Variants in PIAS1 observed in about 807,000 individuals in gnomAD.
PIAS1 encodes the protein E3 SUMO-protein ligase PIAS1.
PIAS1 carries 6 observed loss-of-function variants against 71.3 expected under a neutral mutation model. The observed-to-expected ratio is 0.08, with a 90% confidence interval of 0.05 to 0.17. PIAS1 has a LOEUF of 0.17. PIAS1 is among the 10% of genes least tolerant of loss of function. The pLI is 1.00. For synonymous variants in PIAS1, 303 were observed against 292.9 expected (o/e 1.03, Z -0.35); for missense variants, 555 against 793.6 (o/e 0.70, Z 3.61).
chr15:68,059,572 G>A (rs1224558917), intron 1 of PIAS1, among the ~76,000 whole-genome samples: 3 of 151,746 alleles, frequency 2.0e-5, no homozygotes, highest in Non-Finnish European at 2.9e-5. Context: ...TTAGCTGGGC[G>A]TGGTGGTGGG....
intron 1 of PIAS1, among the ~76,000 whole-genome samples, chr15:68,070,637 G>A (rs2092084559): frequency 6.6e-6 from 1 of 152,140 alleles, no homozygotes; most frequent in Non-Finnish European, 1.5e-5. Flanking sequence ...AAGATTTGCT[G>A]TAAGTGTAAA....
chr15:68,082,635 T>G (rs1169608124), intron 1 of PIAS1, among the ~76,000 whole-genome samples: 4 of 152,092 alleles, frequency 2.6e-5, no homozygotes, highest in Non-Finnish European at 4.4e-5. Flanking sequence ...ATGTAAGTAC[T>G]GACAATTGAT....
At chr15:68,065,689 C>T (rs1327350761) in intron 1 of PIAS1, among the ~76,000 whole-genome samples, 4 of 149,636 alleles carry the variant, frequency 2.7e-5, no homozygotes, top group African/African-American at 9.8e-5. Context: ...GTAAGTAATG[C>T]TAAACGGTAG....
At chr15:68,087,796 A>G in intron 2 of PIAS1, 2 of 329,474 alleles carry the variant, frequency 6.1e-6, no homozygotes, top group East Asian at 8.5e-5. Flanking sequence ...TGTTTACTGA[A>G]ATTCTATCTT....
chr15:68,138,869 C>T (rs1225874799), intron 2 of PIAS1, among the ~76,000 whole-genome samples: 1 of 152,098 alleles, frequency 6.6e-6, no homozygotes, highest in Non-Finnish European at 1.5e-5. Context: ...TACTAAAATA[C>T]AGTGGGAAGA....
At chr15:68,138,491 T>C (rs2092749033) in intron 2 of PIAS1, among the ~76,000 whole-genome samples, 1 of 152,194 alleles carries the variant, frequency 6.6e-6, no homozygotes, top group Non-Finnish European at 1.5e-5. Flanking sequence ...AATGAATGAA[T>C]GAGACGGAGT....
rs1161865973 is a variant in PIAS1, at chr15:68,193,034, G to C, written c.*5199G>C. ...TGGATGGACTCCCAGAAAGCCTAGT[G>C]CTCCTACTACTGTTTTCCAGGGCTG... On this transcript the variant is annotated 3_prime_UTR_variant, in exon 14 of 14. Coordinates refer to ENST00000249636, the MANE Select transcript of PIAS1 (RefSeq NM_016166.3). The C allele has an allele frequency of 6.6e-6, 1 of 152,324 alleles. No homozygotes were observed. Among genetic ancestry groups the C allele is most frequent in the African/African-American group, 2.4e-5 (1 of 41,466 alleles). 9.4% of individuals were successfully genotyped at this position (152,324 alleles called of 1,614,324 possible). A position where few individuals can be genotyped will look rare whatever the true frequency, so the allele number is the denominator to read the frequency against.
intron 1 of PIAS1, among the ~76,000 whole-genome samples, chr15:68,065,542 G>A (rs919582128): frequency 6.8e-6 from 1 of 147,230 alleles, no homozygotes; most frequent in Admixed American, 6.9e-5. Context: ...AGTGAACTGA[G>A]ATCCACTGCA....
intron 1 of PIAS1, among the ~76,000 whole-genome samples, chr15:68,075,523 TAGC>T (rs1428884782): frequency 2.0e-5 from 3 of 152,226 alleles, no homozygotes; most frequent in East Asian, 1.9e-4. Flanking sequence ...TGTGGAAAGT[TAGC>T]AGTTTTACTT....
chr15:68,072,316 C>T (rs1033440117), intron 1 of PIAS1, among the ~76,000 whole-genome samples: 2 of 138,206 alleles, frequency 1.4e-5, no homozygotes, highest in Non-Finnish European at 3.0e-5. Flanking sequence ...AGGAGAATGG[C>T]GTGAACCCAG....
intron 11 of PIAS1, among the ~76,000 whole-genome samples, chr15:68,179,608 T>C (rs2093041871): frequency 7.8e-6 from 1 of 128,144 alleles, no homozygotes; most frequent in African/African-American, 2.9e-5. Flanking sequence ...AGAGTTTCAC[T>C]CTTATCTCCC....
At chr15:68,117,715 C>T (rs1365915187) in intron 2 of PIAS1, among the ~76,000 whole-genome samples, 1 of 152,156 alleles carries the variant, frequency 6.6e-6, no homozygotes, top group Non-Finnish European at 1.5e-5. Flanking sequence ...GAATAGTATT[C>T]TATCATGTCT....
chr15:68,166,112 A>G (rs544289407), intron 8 of PIAS1, among the ~76,000 whole-genome samples: 5 of 152,302 alleles, frequency 3.3e-5, no homozygotes, highest in African/African-American at 7.2e-5. Context: ...AAAAAATACA[A>G]TGAAGTTAAT....
rs1273140590 is a variant in PIAS1, at chr15:68,135,477, G to A, written c.470-6469G>A. On this transcript the variant is annotated intron_variant, in intron 2 of 13. Transcript: ENST00000249636. ...GCGCCCCCCACCCCCCGGACGGGGCGGCTGGCCGGGGGGGGCTAACCCCCC... is the reference window on the plus strand; with the variant it reads ...GCGCCCCCCACCCCCCGGACGGGGCAGCTGGCCGGGGGGGGCTAACCCCCC... Among the ~76,000 whole-genome samples the A allele has an allele frequency of 1.6e-3, 10 of 6,132 alleles. 3 individuals carry two copies. In the East Asian group the frequency reaches 0.026, roughly 16 times the overall value. 4.0% of individuals were successfully genotyped at this position (6,132 alleles called of 152,430 possible). A position where few individuals can be genotyped will look rare whatever the true frequency, so the allele number is the denominator to read the frequency against.
At chr15:68,183,425 G>C (rs2093068408) in intron 12 of PIAS1, among the ~76,000 whole-genome samples, 1 of 152,140 alleles carries the variant, frequency 6.6e-6, no homozygotes, top group African/African-American at 2.4e-5. Flanking sequence ...TCACGGAGAA[G>C]ACAAATCATT....
intron 12 of PIAS1, among the ~76,000 whole-genome samples, chr15:68,183,400 G>C (rs1360850042): frequency 6.6e-6 from 1 of 152,150 alleles, no homozygotes; most frequent in Admixed American, 6.5e-5. Context: ...AATGGCCCCA[G>C]TCCCCCAAAT....
intron 2 of PIAS1, among the ~76,000 whole-genome samples, chr15:68,095,468 A>T (rs566181105): frequency 1.5e-4 from 23 of 151,872 alleles, no homozygotes; most frequent in Middle Eastern, 3.4e-3. Flanking sequence ...TCTTTCTTTT[A>T]AAAAAAAGAC....
At chr15:68,073,189 T>C (rs901694087) in intron 1 of PIAS1, among the ~76,000 whole-genome samples, 1 of 152,166 alleles carries the variant, frequency 6.6e-6, no homozygotes, top group Non-Finnish European at 1.5e-5. Context: ...CTCATTTTTT[T>C]GTATTTTTTA....
rs1413870778 is a variant in PIAS1 at position 68,186,749 on chromosome 15, TATACAC to T, written c.1663-788_1663-783del. Among the ~76,000 whole-genome samples, 3 of 152,262 alleles carry T rather than the reference TATACAC, an allele frequency of 2.0e-5. No individual in the cohort carries two copies. The highest frequency in any genetic ancestry group is 4.8e-5 in the African/African-American group (2 of 41,472). ...TTACTGTACCTTTTCTATGTTGAGA[TATACAC>T]ATACTTAGCATTGTGTTACAGTTGC... On this transcript the variant is annotated intron_variant, in intron 13 of 13. Transcript: ENST00000249636. The surrounding 1 kb of genome is among the most constrained non-coding windows in gnomAD (Gnocchi z 4.4).
Sources: gnomAD v4.1 joint callset for allele counts (sites outside exome capture counted in the v4.1 genomes callset) on GRCh38, gnomAD v4.1.1 for gene constraint, Gnocchi (gnomAD v3.1) non-coding constraint, MANE v1.5 for transcripts, NCBI Gene and HGNC (gene_info 2026-07-23, HGNC 2026-07-21) for gene names.